The following SALL3 variants were observed in gnomAD, a reference collection of about 807,000 sequenced individuals.
The protein encoded by SALL3 is spalt like transcription factor 3.
In SALL3, 25 loss-of-function variants were observed where a neutral mutation model predicts 66.2. The ratio of observed to expected loss-of-function variants is 0.38; its 90% CI spans 0.28 to 0.53. The LOEUF (loss-of-function observed/expected upper bound fraction) is 0.53, where lower values mean the gene tolerates loss of function less well. Among genes scored for constraint, SALL3 ranks in the 20% least tolerant of loss-of-function variants. The probability of loss-of-function intolerance (pLI) is 0.85; values close to 1 mark genes in which losing one functional copy is unlikely to be tolerated. For missense variants in SALL3, 2,194 were observed against 1,916.5 expected (o/e 1.14, Z -2.70); for synonymous variants, 1,152 against 899.1 (o/e 1.28, Z -5.03).
Position 78,996,920 on chromosome 18 carries a change from C to T in SALL3, c.3501C>T (p.Asn1167=), listed in dbSNP as rs376239776. The T allele has an allele frequency of 2.4e-5, 39 of 1,612,164 alleles. No homozygotes were observed. Among genetic ancestry groups the T allele is most frequent in the Non-Finnish European group, 3.1e-5 (36 of 1,179,324 alleles). Residue 1167 remains asparagine (N), a synonymous_variant, in exon 3 of 3, where the codon AAC becomes AAT. Coordinates refer to ENST00000537592, the MANE Select transcript of SALL3 (RefSeq NM_171999.4). Reference sequence around the variant, plus strand: ...ACATGGGGACACACATGTGGAATAACGCCCCCGCGAGACGCGGCCGCCGCC... The same window carrying T: ...ACATGGGGACACACATGTGGAATAATGCCCCCGCGAGACGCGGCCGCCGCC... ...KVHMGTHMWN[N]APARRGRRLS... is the part of the protein sequence containing the mutation.
intron 1 of SALL3, among the ~76,000 whole-genome samples, chr18:78,987,219 C>T (rs1232622771): frequency 6.6e-6 from 1 of 152,124 alleles, no homozygotes; most frequent in Non-Finnish European, 1.5e-5. Flanking sequence ...AAAATTCTGC[C>T]TGTCATTCTG....
At position 78,992,465 on chromosome 18, in the gene SALL3, C is replaced by A. The variant is rs1054808356; in HGVS notation, c.474C>A (p.Ala158=). 7.6e-6 allele frequency: 11 copies of A among 1,442,624 alleles called. No homozygotes were observed. The African/African-American group carries it at 1.7e-4, about 22-fold the overall frequency. The allele number at this position is 1,442,624 out of a possible 1,614,324, so 89.4% of individuals were successfully genotyped here. Residue 158 remains alanine, a synonymous_variant, in exon 2 of 3, where the codon GCC becomes GCA. Transcript: ENST00000537592. ...CGGCCCCTGCACCCCCAACGCCCGC[C>A]TACGGCGCGCCCAGCACCAACGTGA... ...PPAAPAPPTP[A]YGAPSTNVTL... is the part of the protein sequence containing the mutation.
chr18:78,995,167 C>T lies in SALL3; in HGVS notation c.3176C>T (p.Thr1059Ile). 1 of 1,613,284 alleles carries T rather than the reference C, an allele frequency of 6.2e-7. No homozygotes were observed. Among genetic ancestry groups the T allele is most frequent in the South Asian group, 1.1e-5 (1 of 91,084 alleles). ...AGCCTGATCTCCAGCGCCGCACCCA[C>T]CATGATCAAAATGGAAGTGAACGGT... ...TPSLISSAAP[T>I]MIKMEVNGHG... is the part of the protein sequence containing the mutation. The change falls in exon 2 of 3, where the codon ACC (threonine) becomes ATC (isoleucine). Residue 1059 changes from threonine to isoleucine, a missense_variant. Thr to Ile is a moderately conservative substitution (Grantham distance 89). Coordinates refer to ENST00000537592, the MANE Select transcript of SALL3 (RefSeq NM_171999.4).
At chr18:78,986,714 G>A (rs1352031588) in intron 1 of SALL3, among the ~76,000 whole-genome samples, 2 of 152,204 alleles carry the variant, frequency 1.3e-5, no homozygotes, top group Admixed American at 1.3e-4. Context: ...ACTCATTGAA[G>A]TGGATAAGTT....
Position 78,994,669 on chromosome 18 carries a change from G to A in SALL3, c.2678G>A (p.Ser893Asn). Residue 893 changes from serine to asparagine, a missense_variant, in exon 2 of 3, where the codon AGC becomes AAC. Physicochemically the swap from Ser to Asn is conservative, Grantham distance 46 (BLOSUM62 1). Transcript: ENST00000537592. ...GACCTGGAGAGCCGCAGCGCGGGCA[G>A]CCCCGCCCTGTCCGAGTCCTCGTCC... Reference protein sequence around the residue: ...VGDLESRSAGSPALSESSSSQ... With the variant: ...VGDLESRSAGNPALSESSSSQ... 1 of 1,608,888 alleles carries A rather than the reference G, an allele frequency of 6.2e-7. No individual in the cohort carries two copies. Among genetic ancestry groups the A allele is most frequent in the Non-Finnish European group, 8.5e-7 (1 of 1,179,446 alleles).
rs1440085735 is a variant in SALL3, at chr18:78,993,859, C to G, written c.1868C>G (p.Ser623Trp). ...GCGCAGGCTAGCGCTGCACCCACAT[C>G]GGTGGACGGCGCACCCACGAGCCTC... is the stretch of plus-strand genomic sequence containing the variant. ...VGAQASAAPT[S>W]VDGAPTSLGS... is the part of the protein sequence containing the mutation. Residue 623 changes from serine (S) to tryptophan (W), a missense_variant, in exon 2 of 3, where the codon TCG (serine) becomes TGG (tryptophan). Ser to Trp is a radical substitution (Grantham distance 177, BLOSUM62 -3). Coordinates refer to ENST00000537592, the MANE Select transcript of SALL3 (RefSeq NM_171999.4). 4 of 1,561,042 alleles carry G rather than the reference C, an allele frequency of 2.6e-6. No individual in the cohort carries two copies. The highest frequency in any genetic ancestry group is 3.5e-6 in the Non-Finnish European group (4 of 1,155,032).
In SALL3 at chr18:78,994,269, A is replaced by T. The variant is rs1274539916; in HGVS notation, c.2278A>T (p.Met760Leu). 2 of 1,613,768 alleles carry T rather than the reference A, an allele frequency of 1.2e-6. No individual in the cohort carries two copies. The highest frequency in any genetic ancestry group is 2.2e-5 in the South Asian group (2 of 91,080). Residue 760 changes from methionine to leucine, a missense_variant, in exon 2 of 3, where the codon ATG (methionine) becomes TTG (leucine). Physicochemically the swap from Met to Leu is conservative, Grantham distance 15. Transcript: ENST00000537592. ...NAVVLQQHIR[M>L]HMGGQIPNTP... Reference sequence around the variant, plus strand: ...CGTGGTCCTGCAGCAGCACATCCGCATGCACATGGGCGGCCAGATCCCCAA... The same window carrying T: ...CGTGGTCCTGCAGCAGCACATCCGCTTGCACATGGGCGGCCAGATCCCCAA...
At position 78,992,996 on chromosome 18, in the gene SALL3, G is replaced by T. The variant is rs1444845827; in HGVS notation, c.1005G>T (p.Ser335=). 1.4e-6 allele frequency: 2 copies of T among 1,458,048 alleles called. No individual in the cohort carries two copies. The highest frequency in any genetic ancestry group is 9.0e-7 in the Non-Finnish European group (1 of 1,115,374). 90.3% of individuals were successfully genotyped at this position (1,458,048 alleles called of 1,614,324 possible). ...CAGCGCCGCAGAGCGCAGCCTCGTC[G>T]CAGCCGCAGAGCGCATCCACGCCGC... ...PAPAPQSAAS[S]QPQSASTPPA... is the part of the protein sequence containing the mutation. Residue 335 remains serine (S), a synonymous_variant, in exon 2 of 3, where the codon TCG becomes TCT. Transcript: ENST00000537592.
rs1914496633 is a variant in SALL3, at chr18:78,992,761, AGCTGCCCGG to A, written c.775_783del (p.Pro259_Leu261del). ...AGCGCACCGGGCCCGGCCCCCAGCC[AGCTGCCCGG>A]GCTGGCCGCGCTCCCGCTGTCGGCC... is the stretch of plus-strand genomic sequence containing the variant. On this transcript the variant is annotated inframe_deletion, in exon 2 of 3. Coordinates refer to ENST00000537592, the MANE Select transcript of SALL3 (RefSeq NM_171999.4). The A allele has an allele frequency of 9.1e-7, 1 of 1,101,772 alleles. No individual in the cohort carries two copies. Among genetic ancestry groups the A allele is most frequent in the Non-Finnish European group, 1.1e-6 (1 of 905,778 alleles). The allele number at this position is 1,101,772 out of a possible 1,614,324, so 68.2% of individuals were successfully genotyped here.
chr18:78,992,483 C>T lies in SALL3; in HGVS notation c.492C>T (p.Thr164=), dbSNP rs1914477488. 1.4e-6 allele frequency: 2 copies of T among 1,463,036 alleles called. No individual in the cohort carries two copies. The highest frequency in any genetic ancestry group is 1.8e-6 in the Non-Finnish European group (2 of 1,111,246). 90.6% of individuals were successfully genotyped at this position (1,463,036 alleles called of 1,614,324 possible). Residue 164 remains threonine (T), a synonymous_variant, in exon 2 of 3, where the codon ACC becomes ACT. Coordinates refer to ENST00000537592, the MANE Select transcript of SALL3 (RefSeq NM_171999.4). ...PPTPAYGAPS[T]NVTLEALLST... Reference sequence around the variant, plus strand: ...CGCCCGCCTACGGCGCGCCCAGCACCAACGTGACCCTGGAGGCGCTGCTGA... The same window carrying T: ...CGCCCGCCTACGGCGCGCCCAGCACTAACGTGACCCTGGAGGCGCTGCTGA...
In SALL3 at chr18:78,994,607, T is replaced by G. The variant is rs758403656; in HGVS notation, c.2616T>G (p.Ser872Arg). The G allele has an allele frequency of 1.9e-6, 3 of 1,608,532 alleles. No individual in the cohort carries two copies. Among genetic ancestry groups the G allele is most frequent in the Non-Finnish European group, 1.7e-6 (2 of 1,177,460 alleles). ...LKSVENGSGE[S>R]DRLSNDSSSA... ...CCGTGGAGAACGGGTCCGGGGAGAG[T>G]GACCGCCTGAGCAACGACTCCTCGT... The change falls in exon 2 of 3, where the codon AGT becomes AGG. Residue 872 changes from serine (S) to arginine (R), a missense_variant. Physicochemically the swap from Ser to Arg is moderately radical, Grantham distance 110 (BLOSUM62 -1). Transcript: ENST00000537592.
chr18:78,997,334 C>A lies in SALL3; in HGVS notation c.*12C>A. 1 of 1,606,730 alleles carries A rather than the reference C, an allele frequency of 6.2e-7. No homozygotes were observed. Among genetic ancestry groups the A allele is most frequent in the Non-Finnish European group, 8.5e-7 (1 of 1,175,340 alleles). On this transcript the variant is annotated 3_prime_UTR_variant, in exon 3 of 3. Transcript: ENST00000537592. ...TTGGTATCAACTAGCCAGTGACTCG[C>A]TCATCTGCCCTGCCCAGGCCCACGT...
At chr18:78,983,404 G>A (rs1451624746) in intron 1 of SALL3, among the ~76,000 whole-genome samples, 1 of 152,154 alleles carries the variant, frequency 6.6e-6, no homozygotes, top group African/African-American at 2.4e-5. Flanking sequence ...TAAGAAAGAT[G>A]TATTTTGTTG....
chr18:78,992,131 G>A lies in SALL3; in HGVS notation c.140G>A (p.Gly47Asp), dbSNP rs749413866. 4.4e-6 allele frequency: 7 copies of A among 1,603,200 alleles called. No homozygotes were observed. In the East Asian group the frequency reaches 6.8e-5, roughly 16 times the overall value. ...AGCGGGCCCGAGAGCCGCAGCGGGG[G>A]CGAGGAGACCAGCGTGTGCGAGAAA... is the stretch of plus-strand genomic sequence containing the variant. ...ADSGPESRSG[G>D]EETSVCEKCC... is the part of the protein sequence containing the mutation. The change falls in exon 2 of 3, where the codon GGC (glycine) becomes GAC (aspartate). Residue 47 changes from glycine to aspartate, a missense_variant. Coordinates refer to ENST00000537592, the MANE Select transcript of SALL3 (RefSeq NM_171999.4).
At position 78,996,993 on chromosome 18, in the gene SALL3, T is replaced by G. The variant is rs1568298161; in HGVS notation, c.3574T>G (p.Phe1192Val). The stretch of plus-strand genomic sequence containing the variant: ...TCTCCTAGGGGGTGATGCCCTGAAG[T>G]TCTCTGAAATGTTCCAGAAGGACCT... ...MALLGGDALKFSEMFQKDLAA... is the reference protein window; with the variant it reads ...MALLGGDALKVSEMFQKDLAA... The change falls in exon 3 of 3, where the codon TTC (phenylalanine) becomes GTC (valine). Residue 1192 changes from phenylalanine to valine, a missense_variant. Phe to Val is a conservative substitution (Grantham distance 50). Transcript: ENST00000537592. The G allele has an allele frequency of 1.2e-6, 2 of 1,614,062 alleles. No individual in the cohort carries two copies. The highest frequency in any genetic ancestry group is 1.7e-6 in the Non-Finnish European group (2 of 1,180,016).
chr18:78,979,998 G>T lies in SALL3; in HGVS notation c.-277G>T, dbSNP rs901102264. 5.5e-5 allele frequency among the ~76,000 whole-genome samples: 8 copies of T among 145,380 alleles called. No individual in the cohort carries two copies. Among genetic ancestry groups the T allele is most frequent in the African/African-American group, 2.0e-4 (8 of 40,570 alleles). ...GCAGCGCGCGCCCCGGTCCCGAGGCGCCGCGGCCCCCTCCTCGTCGGCGCG... is the reference window on the plus strand; with the variant it reads ...GCAGCGCGCGCCCCGGTCCCGAGGCTCCGCGGCCCCCTCCTCGTCGGCGCG... On this transcript the variant is annotated 5_prime_UTR_variant, in exon 1 of 3. Transcript: ENST00000537592.
chr18:78,979,936 G>A lies in SALL3; in HGVS notation c.-339G>A, dbSNP rs1913931269. Among the ~76,000 whole-genome samples the A allele has an allele frequency of 1.4e-5, 2 of 144,712 alleles. 1 individual carries two copies. The highest frequency in any genetic ancestry group is 4.2e-4 in the South Asian group (2 of 4,760). The allele number at this position is 144,712 out of a possible 152,430, so 94.9% of individuals were successfully genotyped here. ...CAGCCGCACCCGGGGCGGCCGAGGAGCGCGGCGCCGGAGCCCGCGATGTGA... is the reference window on the plus strand; with the variant it reads ...CAGCCGCACCCGGGGCGGCCGAGGAACGCGGCGCCGGAGCCCGCGATGTGA... On this transcript the variant is annotated 5_prime_UTR_variant, in exon 1 of 3. Transcript: ENST00000537592.
Position 78,994,589 on chromosome 18 carries a change from G to A in SALL3, c.2598G>A (p.Glu866=), listed in dbSNP as rs760859223. 7.4e-6 allele frequency: 12 copies of A among 1,611,546 alleles called. No homozygotes were observed. The highest frequency in any genetic ancestry group is 1.3e-5 in the African/African-American group (1 of 75,006). ...CQQLTGLKSV[E]NGSGESDRLS... Reference sequence around the variant, plus strand: ...AGCTGACCGGCCTCAAGTCCGTGGAGAACGGGTCCGGGGAGAGTGACCGCC... The same window carrying A: ...AGCTGACCGGCCTCAAGTCCGTGGAAAACGGGTCCGGGGAGAGTGACCGCC... Residue 866 remains glutamate, a synonymous_variant, in exon 2 of 3, where the codon GAG becomes GAA. Transcript: ENST00000537592.
In SALL3 at chr18:78,994,916, C is replaced by T; in HGVS notation, c.2925C>T (p.Pro975=). ...LFLSRERGKC[P]STVCGVCGKP... ...TGAGCAGGGAGCGGGGTAAGTGTCC[C>T]AGCACTGTGTGTGGTGTCTGTGGCA... is the stretch of plus-strand genomic sequence containing the variant. The change falls in exon 2 of 3, where the codon CCC becomes CCT. Residue 975 remains proline, a synonymous_variant. Transcript: ENST00000537592. The T allele has an allele frequency of 2.5e-6, 4 of 1,613,388 alleles. No homozygotes were observed. The highest frequency in any genetic ancestry group is 1.1e-5 in the South Asian group (1 of 91,052).
Sources: allele counts gnomAD v4.1 joint callset (sites outside exome capture counted in the v4.1 genomes callset), GRCh38; gene constraint gnomAD v4.1.1; transcripts MANE v1.5; gene names NCBI Gene and HGNC (gene_info 2026-07-23, HGNC 2026-07-21).